Variants in PTPRD observed in about 807,000 individuals in gnomAD.
The protein encoded by PTPRD is receptor-type tyrosine-protein phosphatase delta.
PTPRD carries 34 observed loss-of-function variants against 214.5 expected under a neutral mutation model. The ratio of observed to expected loss-of-function variants is 0.16; its 90% CI spans 0.12 to 0.21. The LOEUF (loss-of-function observed/expected upper bound fraction) is 0.21, where lower values mean the gene tolerates loss of function less well. Ranked by LOEUF, PTPRD falls within the 10% of genes least tolerant of loss-of-function variation. PTPRD has a pLI of 1.00. For synonymous variants in PTPRD, 1,128 were observed against 845.7 expected, an observed-to-expected ratio of 1.33 and a Z score of -5.79; for missense variants, 2,545 against 2,398.7, an observed-to-expected ratio of 1.06 and a Z score of -1.27.
chr9:9,420,966 T>C (rs1189168388), intron 8 of PTPRD, among the ~76,000 whole-genome samples: 1 of 152,004 alleles, frequency 6.6e-6, no homozygotes, highest in Admixed American at 6.6e-5. Context: ...CAATATTTTA[T>C]GCCTTCATAA....
chr9:10,304,148 A>G (rs2095970026), intron 3 of PTPRD, among the ~76,000 whole-genome samples: 1 of 152,156 alleles, frequency 6.6e-6, no homozygotes, highest in Non-Finnish European at 1.5e-5. Context: ...CATAAACAGA[A>G]CCAATGACAA....
intron 3 of PTPRD, among the ~76,000 whole-genome samples, chr9:10,308,781 CA>C (rs2154415485): frequency 6.6e-6 from 1 of 152,060 alleles, no homozygotes; most frequent in African/African-American, 2.4e-5. Context: ...CCTCCTCAAG[CA>C]GTTCGTTTCT....
chr9:10,171,803 A>G (rs746761098), intron 3 of PTPRD, among the ~76,000 whole-genome samples: 18 of 152,250 alleles, frequency 1.2e-4, no homozygotes, highest in Middle Eastern at 6.8e-3. Context: ...GATTACAGGC[A>G]TGAGCCACCG....
At chr9:8,449,632 A>C in intron 34 of PTPRD, 93 bp downstream of exon 34, 1 of 1,161,700 alleles carries the variant, frequency 8.6e-7, no homozygotes, top group Non-Finnish European at 1.2e-6. Flanking sequence ...AAAATGGCTC[A>C]AAATAAAGTG....
chr9:8,947,941 C>T (rs994421155), intron 11 of PTPRD, among the ~76,000 whole-genome samples: 9 of 151,728 alleles, frequency 5.9e-5, no homozygotes, highest in Non-Finnish European at 5.9e-5. Flanking sequence ...ATCATTGCAT[C>T]GAGGTTCAGT....
intron 2 of PTPRD, among the ~76,000 whole-genome samples, chr9:10,606,628 A>G (rs538453459): frequency 1.6e-4 from 24 of 151,662 alleles, no homozygotes; most frequent in African/African-American, 5.6e-4. Flanking sequence ...TGGTATAAAG[A>G]AGCTATATCT....
At chr9:9,011,267 A>G (rs745797338) in intron 11 of PTPRD, among the ~76,000 whole-genome samples, 7 of 152,166 alleles carry the variant, frequency 4.6e-5, no homozygotes, top group Non-Finnish European at 8.8e-5. Flanking sequence ...TTTGGGGGAA[A>G]TAGCTTATAA....
chr9:10,536,828 T>C (rs2057916426), intron 2 of PTPRD, among the ~76,000 whole-genome samples: 1 of 152,164 alleles, frequency 6.6e-6, no homozygotes, highest in Non-Finnish European at 1.5e-5. Context: ...AATGTAACCA[T>C]TGGATCATGC....
chr9:10,529,090 A>C (rs2055268341), intron 2 of PTPRD, among the ~76,000 whole-genome samples: 1 of 152,168 alleles, frequency 6.6e-6, no homozygotes, highest in Non-Finnish European at 1.5e-5. Context: ...CAATGAAAGC[A>C]AAAAATAGAT....
intron 8 of PTPRD, among the ~76,000 whole-genome samples, chr9:9,492,854 T>A (rs1382693279): frequency 4.6e-5 from 7 of 150,860 alleles, no homozygotes; most frequent in South Asian, 2.1e-4. Flanking sequence ...AATTTAAACT[T>A]TATTATTATT....
At chr9:8,873,505 G>C (rs1459408252) in intron 11 of PTPRD, among the ~76,000 whole-genome samples, 2 of 152,092 alleles carry the variant, frequency 1.3e-5, no homozygotes, top group Non-Finnish European at 2.9e-5. Flanking sequence ...TTATAAATAT[G>C]TGTTAACTTT....
At chr9:9,437,556 T>G (rs1279863885) in intron 8 of PTPRD, among the ~76,000 whole-genome samples, 2 of 152,200 alleles carry the variant, frequency 1.3e-5, no homozygotes, top group Non-Finnish European at 2.9e-5. Context: ...TCTGTTTTAG[T>G]AGTCCTGCTT....
chr9:10,300,879 G>C (rs577591217), intron 3 of PTPRD, among the ~76,000 whole-genome samples: 1 of 152,120 alleles, frequency 6.6e-6, no homozygotes, highest in African/African-American at 2.4e-5. Flanking sequence ...GCTCTGAAGA[G>C]AGCCATGGCT....
intron 11 of PTPRD, among the ~76,000 whole-genome samples, chr9:8,852,401 G>C (rs1211583499): frequency 6.6e-6 from 1 of 152,210 alleles, no homozygotes; most frequent in Non-Finnish European, 1.5e-5. Flanking sequence ...CAAGGAAGAA[G>C]CAAACTTAGC....
chr9:8,912,995 C>G (rs894160937), intron 11 of PTPRD, among the ~76,000 whole-genome samples: 2 of 152,058 alleles, frequency 1.3e-5, no homozygotes, highest in Admixed American at 1.3e-4. Context: ...TCCCATTAAT[C>G]TATTTTGAAA....
intron 11 of PTPRD, among the ~76,000 whole-genome samples, chr9:8,917,721 C>G (rs1398638620): frequency 6.6e-6 from 1 of 152,084 alleles, no homozygotes; most frequent in Non-Finnish European, 1.5e-5. Flanking sequence ...GCAGTCTATA[C>G]AATTCTGAAG....
chr9:10,121,238 C>G (rs891384754), intron 3 of PTPRD, among the ~76,000 whole-genome samples: 8 of 152,192 alleles, frequency 5.3e-5, no homozygotes, highest in Admixed American at 3.9e-4. Flanking sequence ...TTTAAATTGT[C>G]TTTCTTTAGC....
chr9:9,600,814 T>C (rs2093691268), intron 7 of PTPRD, among the ~76,000 whole-genome samples: 1 of 152,128 alleles, frequency 6.6e-6, no homozygotes, highest in African/African-American at 2.4e-5. Context: ...ACTAAAATGT[T>C]ACTGGTCTGG....
chr9:10,149,792 G>A (rs1475807524), intron 3 of PTPRD, among the ~76,000 whole-genome samples: 1 of 150,304 alleles, frequency 6.7e-6, no homozygotes, highest in Middle Eastern at 3.2e-3. Flanking sequence ...GTGCGGTGGT[G>A]CAATCTTGGC....
Sources: allele counts gnomAD v4.1 joint callset (sites outside exome capture counted in the v4.1 genomes callset), GRCh38; gene constraint gnomAD v4.1.1; transcripts MANE v1.5; gene names NCBI Gene and HGNC (gene_info 2026-07-23, HGNC 2026-07-21).